ADAM32: variants seen among roughly 807,000 people sequenced by gnomAD.
ADAM32 encodes ADAM metallopeptidase domain 32.
Under a neutral mutation model 114.9 loss-of-function variants are expected in ADAM32, and 89 were observed. That is an observed-to-expected ratio of 0.77 (90% CI 0.65 to 0.92). The LOEUF is 0.92. ADAM32 is among the 40% of genes least tolerant of loss of function. The pLI is 0.00. For synonymous variants in ADAM32, 285 were observed against 307.5 expected (o/e 0.93, Z 0.77); for missense variants, 870 against 932.8 (o/e 0.93, Z 0.88).
At chr8:39,149,676 T>C (rs900928608) in intron 4 of ADAM32, 115 bp from the exon 5 acceptor site, 4 of 724,894 alleles carry the variant, frequency 5.5e-6, no homozygotes, top group African/African-American at 5.4e-5. Context: ...TGTACTGATA[T>C]AAATCACGGA....
At chr8:39,158,945 A>C (rs990670793) in intron 6 of ADAM32, among the ~76,000 whole-genome samples, 1 of 151,854 alleles carries the variant, frequency 6.6e-6, no homozygotes. Flanking sequence ...TTTTTTTTAC[A>C]TAGTTTTTCA....
chr8:39,270,204 A>G (rs1812626763), intron 19 of ADAM32, among the ~76,000 whole-genome samples: 1 of 152,208 alleles, frequency 6.6e-6, no homozygotes. Flanking sequence ...AAGAAAAAAT[A>G]TTTTTAAAAA....
chr8:39,154,088 G>A (rs973550952), intron 6 of ADAM32, among the ~76,000 whole-genome samples: 23 of 149,778 alleles, frequency 1.5e-4, no homozygotes, highest in Non-Finnish European at 3.1e-4. Context: ...TGTGCAGAAC[G>A]TGCAGGTTTG....
chr8:39,254,598 A>C (rs1355258309), intron 18 of ADAM32, 82 bp downstream of exon 18: 1 of 1,040,932 alleles, frequency 9.6e-7, no homozygotes, highest in Non-Finnish European at 1.4e-6. Context: ...CGATTTTTCC[A>C]CTTACAAGGC....
At chr8:39,248,622 C>T in intron 17 of ADAM32, among the ~76,000 whole-genome samples, 1 of 152,092 alleles carries the variant, frequency 6.6e-6, no homozygotes, top group East Asian at 1.9e-4. Flanking sequence ...GTGTTTATGT[C>T]ATATATGAAC....
At chr8:39,219,970 G>A (rs1018076103) in intron 12 of ADAM32, among the ~76,000 whole-genome samples, 1 of 152,100 alleles carries the variant, frequency 6.6e-6, no homozygotes, top group African/African-American at 2.4e-5. Context: ...GGTCCAATTG[G>A]TCAAGTGTTA....
At chr8:39,173,720 G>A (rs1287829050) in intron 10 of ADAM32, among the ~76,000 whole-genome samples, 1 of 151,804 alleles carries the variant, frequency 6.6e-6, no homozygotes, top group Non-Finnish European at 1.5e-5. Context: ...TTTCATTTTT[G>A]TCATGAAATC....
chr8:39,217,675 A>G (rs1187761105), intron 12 of ADAM32, among the ~76,000 whole-genome samples: 2 of 152,156 alleles, frequency 1.3e-5, no homozygotes, highest in African/African-American at 4.8e-5. Context: ...CAGTAGGTCA[A>G]TTGTGTCTTT....
intron 13 of ADAM32, 145 bp downstream of exon 13, chr8:39,221,847 TG>T: frequency 1.6e-6 from 1 of 622,152 alleles, no homozygotes; most frequent in Non-Finnish European, 2.5e-6. Context: ...ATCAGATTTC[TG>T]ATTTTTATTA....
chr8:39,269,911 A>G (rs1452351877), intron 19 of ADAM32, among the ~76,000 whole-genome samples: 1 of 152,214 alleles, frequency 6.6e-6, no homozygotes, highest in Non-Finnish European at 1.5e-5. Context: ...GAAACCTGCA[A>G]TCATGGCAGA....
chr8:39,254,338 C>A, intron 17 of ADAM32, 76 bp from the exon 18 acceptor site: 2 of 1,230,624 alleles, frequency 1.6e-6, no homozygotes, highest in Middle Eastern at 1.9e-4. Flanking sequence ...GATTATGGTA[C>A]AAAAGTAAGC....
rs367964426 is a variant in ADAM32, at chr8:39,284,378, TAC to T, written c.2358-394_2358-393del. On this transcript the variant is annotated intron_variant, in intron 24 of 24. Transcript: ENST00000379907. ...ACTGTTATACACACACACACACACG[TAC>T]ACACACACACACACACACACGTACA... Among the ~76,000 whole-genome samples, 966 of 141,204 alleles carry T rather than the reference TAC, an allele frequency of 6.8e-3. 2 individuals are homozygous for T. The highest frequency in any genetic ancestry group is 7.7e-3 in the Middle Eastern group (2 of 260). 92.6% of individuals were successfully genotyped at this position (141,204 alleles called of 152,430 possible).
At chr8:39,265,444 A>G (rs879761069) in intron 19 of ADAM32, among the ~76,000 whole-genome samples, 10 of 152,106 alleles carry the variant, frequency 6.6e-5, no homozygotes, top group Admixed American at 1.3e-4. Context: ...TTGCTTCTTT[A>G]TACACTTTGC....
In ADAM32 at chr8:39,284,763, G is replaced by A. The variant is rs1469064776; in HGVS notation, c.2358-30G>A. 5.6e-6 allele frequency: 9 copies of A among 1,613,180 alleles called. No individual in the cohort carries two copies. In the African/African-American group the frequency reaches 6.7e-5, roughly 12 times the overall value. ...GGAGGGAATTTGCTGTCAGTACTTT[G>A]AGCACGTGTTTTTTTGTTCTCTTCC... On this transcript the variant is annotated intron_variant, in intron 24 of 24. Transcript: ENST00000379907.
intron 18 of ADAM32, among the ~76,000 whole-genome samples, chr8:39,256,087 G>T (rs2129450596): frequency 6.6e-6 from 1 of 151,956 alleles, no homozygotes; most frequent in East Asian, 1.9e-4. Flanking sequence ...TGGTCTCTGT[G>T]TCTATTTTTA....
chr8:39,152,335 T>C (rs1459569109), intron 6 of ADAM32, among the ~76,000 whole-genome samples: 3 of 152,196 alleles, frequency 2.0e-5, no homozygotes, highest in Non-Finnish European at 4.4e-5. Flanking sequence ...TTATACCAAG[T>C]AACATTGGCA....
chr8:39,283,262 T>C (rs1813545487), intron 23 of ADAM32, among the ~76,000 whole-genome samples: 1 of 151,882 alleles, frequency 6.6e-6, no homozygotes, highest in African/African-American at 2.4e-5. Flanking sequence ...TATAAAAATT[T>C]GGCTGGGCAT....
chr8:39,280,971 A>G (rs1249105716), intron 22 of ADAM32, among the ~76,000 whole-genome samples, 165 bp from the exon 23 acceptor site: 1 of 151,720 alleles, frequency 6.6e-6, no homozygotes, highest in African/African-American at 2.4e-5. Flanking sequence ...TTTAGTAGAG[A>G]CGGGGTTTCA....
At chr8:39,279,705 T>C (rs1197384643) in intron 22 of ADAM32, among the ~76,000 whole-genome samples, 1 of 152,212 alleles carries the variant, frequency 6.6e-6, no homozygotes, top group Non-Finnish European at 1.5e-5. Flanking sequence ...TATTTTTTTT[T>C]GCCTCAGTCC....
Sources: allele counts gnomAD v4.1 joint callset (sites outside exome capture counted in the v4.1 genomes callset), GRCh38; gene constraint gnomAD v4.1.1; transcripts MANE v1.5; gene names NCBI Gene and HGNC (gene_info 2026-07-23, HGNC 2026-07-21).